The following KIAA0825 variants were observed in gnomAD, a reference collection of about 807,000 sequenced individuals.
KIAA0825 encodes uncharacterized protein KIAA0825.
Under a neutral mutation model 147.6 loss-of-function variants are expected in KIAA0825, and 119 were observed. The observed-to-expected ratio is 0.81, with a 90% CI of 0.69 to 0.94. KIAA0825 has a LOEUF of 0.94. Among genes scored for constraint, KIAA0825 ranks in the 40% least tolerant of loss-of-function variants. The pLI is 0.00. For synonymous variants in KIAA0825, 470 were observed against 518.1 expected, an observed-to-expected ratio of 0.91 and a Z score of 1.26; for missense variants, 1,381 against 1,472.7, an observed-to-expected ratio of 0.94 and a Z score of 1.02.
chr5:94,449,166 A>C (rs1185750815), intron 13 of KIAA0825, among the ~76,000 whole-genome samples: 1 of 152,158 alleles, frequency 6.6e-6, no homozygotes. Context: ...CAATATTAAA[A>C]ATATGGAATA....
At chr5:94,313,160 A>G (rs1779331289) in intron 20 of KIAA0825, among the ~76,000 whole-genome samples, 1 of 151,668 alleles carries the variant, frequency 6.6e-6, no homozygotes, top group South Asian at 2.1e-4. Context: ...TGGAATGTTC[A>G]TTATATCTTT....
intron 20 of KIAA0825, among the ~76,000 whole-genome samples, chr5:94,203,787 C>G (rs1393993585): frequency 6.6e-6 from 1 of 152,124 alleles, no homozygotes; most frequent in Non-Finnish European, 1.5e-5. Flanking sequence ...TAACAAACTT[C>G]TGTAACTGCT....
At chr5:94,445,661 G>A (rs1221222090) in intron 13 of KIAA0825, among the ~76,000 whole-genome samples, 2 of 152,114 alleles carry the variant, frequency 1.3e-5, no homozygotes, top group African/African-American at 4.8e-5. Flanking sequence ...TCATCACATT[G>A]CTGGCTTCAT....
chr5:94,187,402 GTTTTTT>G (rs34689731), intron 20 of KIAA0825, among the ~76,000 whole-genome samples: 1 of 105,680 alleles, frequency 9.5e-6, no homozygotes, highest in African/African-American at 3.6e-5. Flanking sequence ...AGAGAAAGGA[GTTTTTT>G]TTTTTTTTTT....
intron 20 of KIAA0825, among the ~76,000 whole-genome samples, chr5:94,309,749 G>A (rs1022238073): frequency 2.1e-4 from 32 of 151,690 alleles, no homozygotes; most frequent in Admixed American, 4.6e-4. Context: ...GGATCTTGCT[G>A]TATGGTTCAT....
chr5:94,165,513 C>A (rs1767951805), intron 20 of KIAA0825, among the ~76,000 whole-genome samples: 1 of 152,070 alleles, frequency 6.6e-6, no homozygotes, highest in Admixed American at 6.5e-5. Context: ...TGGGTATATA[C>A]CCAAAGGAAA....
chr5:94,418,622 C>T (rs918765266), intron 14 of KIAA0825, among the ~76,000 whole-genome samples: 4 of 152,022 alleles, frequency 2.6e-5, no homozygotes, highest in Admixed American at 1.3e-4. Context: ...CCAATGAGAA[C>T]CTTCTTTAGG....
At chr5:94,468,233 A>C (rs576844285) in intron 10 of KIAA0825, among the ~76,000 whole-genome samples, 6 of 152,308 alleles carry the variant, frequency 3.9e-5, no homozygotes, top group African/African-American at 1.4e-4. Flanking sequence ...TACACTGTAC[A>C]ACTCTTCTAG....
At chr5:94,607,980 G>A (rs1010804390) in intron 1 of KIAA0825, among the ~76,000 whole-genome samples, 1 of 151,988 alleles carries the variant, frequency 6.6e-6, no homozygotes, top group Non-Finnish European at 1.5e-5. Context: ...GAGAACCCTT[G>A]TAATTACATT....
intron 17 of KIAA0825, among the ~76,000 whole-genome samples, chr5:94,393,788 G>A (rs1750231086): frequency 1.3e-5 from 2 of 151,886 alleles, no homozygotes; most frequent in African/African-American, 4.8e-5. Flanking sequence ...GAAGTACTTA[G>A]AGTGGAAGTG....
At position 94,151,640 on chromosome 5, in the gene KIAA0825, T is replaced by C. The variant is rs1453071967; in HGVS notation, c.*2367A>G. ...TAAACTCATCCCATTTTCCCCTTAC[T>C]ATACTTCCTTTCTTTCAAAAGGGAG... On this transcript the variant is annotated 3_prime_UTR_variant, in exon 21 of 21. Coordinates refer to ENST00000682413, the MANE Select transcript of KIAA0825 (RefSeq NM_001145678.3). Among the ~76,000 whole-genome samples, 1 of 152,202 alleles carries C rather than the reference T, an allele frequency of 6.6e-6. No individual in the cohort carries two copies. The highest frequency in any genetic ancestry group is 1.9e-4 in the East Asian group (1 of 5,166).
chr5:94,179,072 A>G (rs1769365019), intron 20 of KIAA0825, among the ~76,000 whole-genome samples: 1 of 152,128 alleles, frequency 6.6e-6, no homozygotes. Context: ...GATATTCTTA[A>G]CAAAGCAAAA....
chr5:94,594,455 C>T lies in KIAA0825; in HGVS notation c.-152-11872G>A, dbSNP rs1584993484. On this transcript the variant is annotated intron_variant, in intron 1 of 20. Transcript: ENST00000682413. ...ACCATACAGTAGATTTTGAGTGTATCTTGGAAGAAAGAAAAAAATCTCTTC... is the reference window on the plus strand; with the variant it reads ...ACCATACAGTAGATTTTGAGTGTATTTTGGAAGAAAGAAAAAAATCTCTTC... 15 of 739,484 alleles carry T rather than the reference C, an allele frequency of 2.0e-5. No homozygotes were observed. The East Asian group carries it at 4.0e-4, about 20-fold the overall frequency. The allele number at this position is 739,484 out of a possible 1,614,324, so 45.8% of individuals were successfully genotyped here.
intron 20 of KIAA0825, among the ~76,000 whole-genome samples, chr5:94,223,877 C>T (rs974763537): frequency 6.6e-6 from 1 of 151,966 alleles, no homozygotes; most frequent in African/African-American, 2.4e-5. Context: ...AAGAAAAGCC[C>T]TCTTTGGGAT....
rs533938039 is a variant in KIAA0825, at chr5:94,237,421, G to A, written c.3711-83297C>T. Among the ~76,000 whole-genome samples, 22 of 152,256 alleles carry A rather than the reference G, an allele frequency of 1.4e-4. 1 individual carries two copies. The South Asian group carries it at 3.9e-3, about 27-fold the overall frequency. ...AGGCAAAGGGGGAACAACTACAAAG[G>A]CTGCAATGAGGGTGCAAGCTCAGTG... On this transcript the variant is annotated intron_variant, in intron 20 of 20. Coordinates refer to ENST00000682413, the MANE Select transcript of KIAA0825 (RefSeq NM_001145678.3).
At chr5:94,419,173 C>T (rs1054691664) in intron 14 of KIAA0825, among the ~76,000 whole-genome samples, 1 of 152,140 alleles carries the variant, frequency 6.6e-6, no homozygotes, top group African/African-American at 2.4e-5. Context: ...TTACACCCAA[C>T]CAATTTTCCC....
rs1751667698 is a variant in KIAA0825 at position 94,403,552 on chromosome 5, GA to G, written c.2887+16del. The G allele has an allele frequency of 1.9e-6, 3 of 1,542,618 alleles. No homozygotes were observed. Among genetic ancestry groups the G allele is most frequent in the Non-Finnish European group, 2.6e-6 (3 of 1,139,848 alleles). On this transcript the variant is annotated intron_variant, in intron 16 of 20. Coordinates refer to ENST00000682413, the MANE Select transcript of KIAA0825 (RefSeq NM_001145678.3). ...TTCTTCAGGTGTATTTTCTTAAAGA[GA>G]AACAAGTGTACTTACTTTTGCATGA...
intron 7 of KIAA0825, among the ~76,000 whole-genome samples, chr5:94,475,422 C>T (rs1761757848): frequency 6.6e-6 from 1 of 152,126 alleles, no homozygotes; most frequent in African/African-American, 2.4e-5. Flanking sequence ...TACCTTTGCC[C>T]ATGATAATAT....
At chr5:94,298,605 T>C (rs1778248193) in intron 20 of KIAA0825, among the ~76,000 whole-genome samples, 1 of 152,236 alleles carries the variant, frequency 6.6e-6, no homozygotes, top group Non-Finnish European at 1.5e-5. Context: ...TTCATCTGTT[T>C]GATTCATTTT....
Sources: allele counts gnomAD v4.1 joint callset (sites outside exome capture counted in the v4.1 genomes callset), GRCh38; gene constraint gnomAD v4.1.1; transcripts MANE v1.5; gene names NCBI Gene and HGNC (gene_info 2026-07-23, HGNC 2026-07-21).